Variants in SPTAN1 observed in about 807,000 individuals in gnomAD.
SPTAN1 encodes the protein spectrin alpha, non-erythrocytic 1, also known as spectrin alpha chain, non-erythrocytic 1.
SPTAN1 carries 61 observed loss-of-function variants against 331.3 expected under a neutral mutation model. The ratio of observed to expected loss-of-function variants is 0.18; its 90% CI spans 0.15 to 0.23. The LOEUF is 0.23. Among genes scored for constraint, SPTAN1 ranks in the 10% least tolerant of loss-of-function variants. The pLI is 1.00. For synonymous variants in SPTAN1, 1,153 were observed against 1,173.9 expected (o/e 0.98, Z 0.36); for missense variants, 2,043 against 3,147.9 (o/e 0.65, Z 8.40).
intron 1 of SPTAN1, among the ~76,000 whole-genome samples, chr9:128,554,399 A>G (rs931781150): frequency 1.3e-5 from 2 of 152,242 alleles, no homozygotes; most frequent in Non-Finnish European, 2.9e-5. Flanking sequence ...CTGTCAAGCA[A>G]TATGATGAAG....
At position 128,581,077 on chromosome 9, in the gene SPTAN1, C is replaced by T; in HGVS notation, c.1461+18C>T. On this transcript the variant is annotated intron_variant, in intron 11 of 56. Coordinates refer to ENST00000372739, the MANE Select transcript of SPTAN1 (RefSeq NM_001130438.3). ...AGCAGGAGGTAATCTGTGAGCAAAGCCTTGCCAGTGGTGGGAGAAGAAGGG... is the reference window on the plus strand; with the variant it reads ...AGCAGGAGGTAATCTGTGAGCAAAGTCTTGCCAGTGGTGGGAGAAGAAGGG... The T allele has an allele frequency of 6.2e-7, 1 of 1,613,714 alleles. No homozygotes were observed. The highest frequency in any genetic ancestry group is 8.5e-7 in the Non-Finnish European group (1 of 1,180,000).
rs1859913555 is a variant in SPTAN1 at position 128,632,473 on chromosome 9, C to T, written c.7002C>T (p.Ser2334=). The part of the protein sequence containing the change: ...GVTEEALKEF[S]MMFKHFDKDK... ...CTGAGGAGGCCCTCAAAGAATTCAG[C>T]ATGATGTTTAAGTGAGTTCAGCCTT... Residue 2334 remains serine, a synonymous_variant, in exon 54 of 57, where the codon AGC becomes AGT. Coordinates refer to ENST00000372739, the MANE Select transcript of SPTAN1 (RefSeq NM_001130438.3). 6.2e-7 allele frequency: 1 copy of T among 1,614,182 alleles called. No individual in the cohort carries two copies. Among genetic ancestry groups the T allele is most frequent in the Non-Finnish European group, 8.5e-7 (1 of 1,180,032 alleles).
chr9:128,630,357 C>T lies in SPTAN1; in HGVS notation c.6744C>T (p.Ser2248=), dbSNP rs1173450745. The T allele has an allele frequency of 9.3e-6, 15 of 1,612,458 alleles. No homozygotes were observed. The highest frequency in any genetic ancestry group is 1.3e-5 in the Non-Finnish European group (15 of 1,179,988). Residue 2248 remains serine (S), a synonymous_variant, in exon 52 of 57, where the codon TCC becomes TCT. Transcript: ENST00000372739. The part of the protein sequence containing the change: ...CMVEESGTLE[S]QLEATKRKHQ... ...TGGAAGAGTCGGGGACCCTCGAATC[C>T]CAGCTTGAAGCTACCAAAGTAAGTG...
At position 128,584,449 on chromosome 9, in the gene SPTAN1, G is replaced by T. The variant is rs376861805; in HGVS notation, c.2361G>T (p.Gln787His). ...KQKLADSLRL[Q>H]QLFRDVEDEE... ...AGCTGGCCGATTCTCTGCGGTTGCA[G>T]CAGCTCTTCCGGGATGTTGAGGATG... The change falls in exon 17 of 57, where the codon CAG (glutamine) becomes CAT (histidine). Residue 787 changes from glutamine (Q) to histidine (H), a missense_variant. Gln to His is a conservative substitution (Grantham distance 24). This residue lies in a region of SPTAN1 where 1,038 missense variants were observed against 1,531.5 expected (regional missense o/e 0.68). Coordinates refer to ENST00000372739, the MANE Select transcript of SPTAN1 (RefSeq NM_001130438.3). 1 of 1,614,044 alleles carries T rather than the reference G, an allele frequency of 6.2e-7. No homozygotes were observed. Among genetic ancestry groups the T allele is most frequent in the Non-Finnish European group, 8.5e-7 (1 of 1,180,034 alleles).
rs774410639 is a variant in SPTAN1 at position 128,583,091 on chromosome 9, A to G, written c.1821A>G (p.Leu607=). ...TDEAYKDPSN[L]QGKVQKHQAF... is the part of the protein sequence containing the mutation. The stretch of plus-strand genomic sequence containing the variant: ...TTTATTCACAGGATCCATCCAACCT[A>G]CAAGGAAAAGTACAGAAGCATCAGG... Residue 607 remains leucine, a synonymous_variant, in exon 15 of 57, where the codon CTA becomes CTG. Coordinates refer to ENST00000372739, the MANE Select transcript of SPTAN1 (RefSeq NM_001130438.3). The G allele has an allele frequency of 1.9e-6, 3 of 1,614,058 alleles. No homozygotes were observed. Among genetic ancestry groups the G allele is most frequent in the Non-Finnish European group, 2.5e-6 (3 of 1,180,052 alleles).
At chr9:128,617,201 T>C (rs1479677957) in intron 41 of SPTAN1, among the ~76,000 whole-genome samples, 1 of 151,622 alleles carries the variant, frequency 6.6e-6, no homozygotes, top group Non-Finnish European at 1.5e-5. Context: ...ATCATGCCAT[T>C]GCACTTTAGC....
At position 128,594,158 on chromosome 9, in the gene SPTAN1, C is replaced by G. The variant is rs376147583; in HGVS notation, c.3216-17C>G. The G allele has an allele frequency of 8.7e-6, 14 of 1,613,886 alleles. No homozygotes were observed. The Admixed American group carries it at 1.3e-4, about 15-fold the overall frequency. ...TGCCTTCCTTGTCCCTCTTGTCACC[C>G]TCTTGAATTCCATCAGATATCATTC... On this transcript the variant is annotated splice_polypyrimidine_tract_variant and intron_variant, in intron 23 of 56. Transcript: ENST00000372739.
In SPTAN1 at chr9:128,633,346, G is replaced by A. The variant is rs1036284581; in HGVS notation, c.*12G>A. On this transcript the variant is annotated 3_prime_UTR_variant, in exon 57 of 57. Coordinates refer to ENST00000372739, the MANE Select transcript of SPTAN1 (RefSeq NM_001130438.3). ...TTTTCGTGAACTGAGCCACTCCCTG[G>A]GTCACCCACCCCTCGCTGCTTGCCC... 1 of 1,613,528 alleles carries A rather than the reference G, an allele frequency of 6.2e-7. No individual in the cohort carries two copies. Among genetic ancestry groups the A allele is most frequent in the Non-Finnish European group, 8.5e-7 (1 of 1,180,028 alleles).
intron 27 of SPTAN1, among the ~76,000 whole-genome samples, chr9:128,600,511 AG>A (rs998064121): frequency 3.3e-5 from 5 of 152,188 alleles, no homozygotes; most frequent in African/African-American, 7.2e-5. Flanking sequence ...GGCCTAAGAA[AG>A]GCTTCAGAGA....
rs769726464 is a variant in SPTAN1, at chr9:128,600,128, T to G, written c.3579+13T>G. On this transcript the variant is annotated intron_variant, in intron 27 of 56. Coordinates refer to ENST00000372739, the MANE Select transcript of SPTAN1 (RefSeq NM_001130438.3). ...CTCCCCGTGGAAGGTAAGAACTCCT[T>G]TGCAAATTATTGTTTTCAAGAGTTT... 2.5e-6 allele frequency: 4 copies of G among 1,613,912 alleles called. No individual in the cohort carries two copies. The highest frequency in any genetic ancestry group is 3.4e-6 in the Non-Finnish European group (4 of 1,179,738).
chr9:128,582,864 G>A lies in SPTAN1; in HGVS notation c.1806+15G>A. The A allele has an allele frequency of 6.2e-7, 1 of 1,611,558 alleles. No individual in the cohort carries two copies. The highest frequency in any genetic ancestry group is 8.5e-7 in the Non-Finnish European group (1 of 1,179,988). ...AAGCTTATAAAGTAATGTACTGTTA[G>A]TGTTGCCATGTAGCACTCGATTAGT... On this transcript the variant is annotated intron_variant, in intron 14 of 56. Coordinates refer to ENST00000372739, the MANE Select transcript of SPTAN1 (RefSeq NM_001130438.3).
Position 128,574,657 on chromosome 9 carries a change from C to G in SPTAN1, c.364-18C>G. 2 of 1,614,122 alleles carry G rather than the reference C, an allele frequency of 1.2e-6. No homozygotes were observed. Among genetic ancestry groups the G allele is most frequent in the South Asian group, 1.1e-5 (1 of 91,080 alleles). On this transcript the variant is annotated intron_variant, in intron 3 of 56. Transcript: ENST00000372739. Reference sequence around the variant, plus strand: ...AGCCAGTTGTGATCTGATTAAAACTCTGATTTGAAACTTTCAGACCCGTTT... The same window carrying G: ...AGCCAGTTGTGATCTGATTAAAACTGTGATTTGAAACTTTCAGACCCGTTT...
intron 1 of SPTAN1, among the ~76,000 whole-genome samples, chr9:128,557,238 G>A (rs1450554982): frequency 1.3e-5 from 2 of 152,178 alleles, no homozygotes; most frequent in African/African-American, 4.8e-5. Flanking sequence ...AATTCATTTT[G>A]TAGTATTCCA....
At chr9:128,580,247 C>G (rs1357399350) in intron 10 of SPTAN1, among the ~76,000 whole-genome samples, 2 of 151,324 alleles carry the variant, frequency 1.3e-5, no homozygotes, top group South Asian at 2.1e-4. Context: ...CACCACTGCA[C>G]TCTGGCTTGA....
In SPTAN1 at chr9:128,552,721, C is replaced by T. The variant is rs1848265226; in HGVS notation, c.-4+25C>T. ...GGTGAGAGGGGCAGCCGGGGAGCTC[C>T]GGGAGGGAGCGGGGCCCCGGGCAGC... On this transcript the variant is annotated intron_variant, in intron 1 of 56. Transcript: ENST00000372739. The surrounding 1 kb of genome is among the most constrained non-coding windows in gnomAD (Gnocchi z 4.6). 1 of 151,684 alleles carries T rather than the reference C, an allele frequency of 6.6e-6. No homozygotes were observed. Among genetic ancestry groups the T allele is most frequent in the Non-Finnish European group, 1.5e-5 (1 of 67,912 alleles). The allele number at this position is 151,684 out of a possible 1,614,324, so 9.4% of individuals were successfully genotyped here. A position where few individuals can be genotyped will look rare whatever the true frequency, so the allele number is the denominator to read the frequency against.
chr9:128,583,297 T>C lies in SPTAN1; in HGVS notation c.2011+16T>C, dbSNP rs1351490215. On this transcript the variant is annotated intron_variant, in intron 15 of 56. Coordinates refer to ENST00000372739, the MANE Select transcript of SPTAN1 (RefSeq NM_001130438.3). ...GAACTGAAAGGTAAGAGATGTTCCATTGAATTGTGACATGCATGTTTGGGG... is the reference window on the plus strand; with the variant it reads ...GAACTGAAAGGTAAGAGATGTTCCACTGAATTGTGACATGCATGTTTGGGG... The C allele has an allele frequency of 1.2e-5, 20 of 1,612,398 alleles. No homozygotes were observed. Among genetic ancestry groups the C allele is most frequent in the Middle Eastern group, 1.7e-4 (1 of 6,060 alleles).
intron 12 of SPTAN1, 78 bp downstream of exon 12, chr9:128,581,970 CAG>C (rs1357312445): frequency 1.8e-5 from 20 of 1,093,374 alleles, no homozygotes; most frequent in Non-Finnish European, 2.8e-5. Flanking sequence ...GGATTCCAAA[CAG>C]ATTTGATGAA....
At chr9:128,617,171 G>A (rs949532877) in intron 41 of SPTAN1, among the ~76,000 whole-genome samples, 29 of 151,928 alleles carry the variant, frequency 1.9e-4, no homozygotes, top group South Asian at 4.2e-4. Context: ...CCGGAGTGGC[G>A]GAGGTTGCAG....
intron 2 of SPTAN1, 30 bp downstream of exon 2, chr9:128,567,007 A>G (rs935838468): frequency 1.2e-6 from 2 of 1,613,334 alleles, no homozygotes; most frequent in South Asian, 1.1e-5. Context: ...ATTCCTGCCA[A>G]AATTCAAGAG....
Sources: gnomAD v4.1 joint callset for allele counts (sites outside exome capture counted in the v4.1 genomes callset) on GRCh38, gnomAD v4.1.1 for gene constraint, gnomAD v4.1.1 regional missense constraint, Gnocchi (gnomAD v3.1) non-coding constraint, MANE v1.5 for transcripts, NCBI Gene and HGNC (gene_info 2026-07-23, HGNC 2026-07-21) for gene names.